SLC9A1: variants seen among roughly 807,000 people sequenced by gnomAD.
SLC9A1 encodes the protein sodium/hydrogen exchanger 1.
A neutral mutation model predicts 67.9 loss-of-function variants in SLC9A1; 22 were observed. That is an observed-to-expected ratio of 0.32 (90% CI 0.23 to 0.46). The LOEUF is 0.46. Ranked by LOEUF, SLC9A1 falls within the 20% of genes least tolerant of loss-of-function variation. The pLI is 1.00. For missense variants in SLC9A1, 686 were observed against 1,094.8 expected, an observed-to-expected ratio of 0.63 and a Z score of 5.27; for synonymous variants, 421 against 471.8, an observed-to-expected ratio of 0.89 and a Z score of 1.40.
At chr1:27,108,351 G>GCCAC (rs1342800812) in intron 3 of SLC9A1, among the ~76,000 whole-genome samples, 1 of 8,254 alleles carries the variant, frequency 1.2e-4, no homozygotes, top group Non-Finnish European at 4.0e-4. Context: ...CAGGCGACGA[G>GCCAC]CGCATGCCCG....
intron 1 of SLC9A1, among the ~76,000 whole-genome samples, chr1:27,117,955 C>T (rs2083282451): frequency 6.6e-6 from 1 of 152,200 alleles, no homozygotes; most frequent in African/African-American, 2.4e-5. Context: ...CATGCTATTC[C>T]AGCCCTTGGA....
chr1:27,134,023 A>G (rs1280550894), intron 1 of SLC9A1, among the ~76,000 whole-genome samples: 1 of 152,048 alleles, frequency 6.6e-6, no homozygotes, highest in Non-Finnish European at 1.5e-5. Flanking sequence ...TCAGCCTCCC[A>G]AAGTGCTAGG....
intron 1 of SLC9A1, among the ~76,000 whole-genome samples, chr1:27,124,295 G>A (rs1399402531): frequency 1.3e-5 from 2 of 152,040 alleles, no homozygotes; most frequent in Non-Finnish European, 2.9e-5. Context: ...GTACAGTAGA[G>A]CTTGCAAAAT....
At chr1:27,144,773 C>G (rs2083474509) in intron 1 of SLC9A1, among the ~76,000 whole-genome samples, 1 of 152,180 alleles carries the variant, frequency 6.6e-6, no homozygotes, top group African/African-American at 2.4e-5. Flanking sequence ...CTTTGGGAGG[C>G]CAAGGTGGGT....
At position 27,103,546 on chromosome 1, in the gene SLC9A1, C is replaced by T. The variant is rs907063690; in HGVS notation, c.1486-234G>A. 9.0e-6 allele frequency: 5 copies of T among 557,466 alleles called. No homozygotes were observed. In the African/African-American group the frequency reaches 9.5e-5, roughly 11 times the overall value. 34.5% of individuals were successfully genotyped at this position (557,466 alleles called of 1,614,324 possible). Reference sequence around the variant, plus strand: ...CAGAGGTTTCACTGCCAAATGACCCCCACACTGGTCATCTGGCCTGGGCCA... The same window carrying T: ...CAGAGGTTTCACTGCCAAATGACCCTCACACTGGTCATCTGGCCTGGGCCA... On this transcript the variant is annotated intron_variant, in intron 5 of 11. Transcript: ENST00000263980.
At position 27,106,775 on chromosome 1, in the gene SLC9A1, G is replaced by A. The variant is rs2083187866; in HGVS notation, c.1283-688C>T. On this transcript the variant is annotated intron_variant, in intron 4 of 11. Transcript: ENST00000263980. This position sits in a 1 kb window ranked among gnomAD's most constrained non-coding sequence, Gnocchi z 4.3. Reference sequence around the variant, plus strand: ...TGGAGGACTGCACGTGGCTCTGCATGCGATTCGGCACATGCTCACGTCACC... The same window carrying A: ...TGGAGGACTGCACGTGGCTCTGCATACGATTCGGCACATGCTCACGTCACC... Among the ~76,000 whole-genome samples the A allele has an allele frequency of 6.6e-6, 1 of 152,028 alleles. No homozygotes were observed. Among genetic ancestry groups the A allele is most frequent in the South Asian group, 2.1e-4 (1 of 4,832 alleles).
chr1:27,112,883 C>CAAAAAA (rs58540104), intron 2 of SLC9A1, among the ~76,000 whole-genome samples: 34 of 41,518 alleles, frequency 8.2e-4, no homozygotes, highest in African/African-American at 2.9e-3. Context: ...GACTCCATCT[C>CAAAAAA]AAAAAAAAAA....
In SLC9A1 at chr1:27,114,378, T is replaced by C; in HGVS notation, c.353-92A>G. ...ATGGGCCGGGGATGAGGAGCGCAGT[T>C]GGTGAGAGGTGCACAGGCTGGGTCT... On this transcript the variant is annotated intron_variant, in intron 1 of 11. Coordinates refer to ENST00000263980, the MANE Select transcript of SLC9A1 (RefSeq NM_003047.5). This position sits in a 1 kb window ranked among gnomAD's most constrained non-coding sequence, Gnocchi z 5.4. 1.0e-6 allele frequency: 1 copy of C among 959,724 alleles called. No individual in the cohort carries two copies. The highest frequency in any genetic ancestry group is 1.6e-6 in the Non-Finnish European group (1 of 635,182). The allele number at this position is 959,724 out of a possible 1,614,324, so 59.5% of individuals were successfully genotyped here. A position where few individuals can be genotyped will look rare whatever the true frequency, so the allele number is the denominator to read the frequency against.
chr1:27,120,996 A>G (rs1276389802), intron 1 of SLC9A1, among the ~76,000 whole-genome samples: 2 of 152,184 alleles, frequency 1.3e-5, no homozygotes, highest in Non-Finnish European at 2.9e-5. Flanking sequence ...GCTTCAAAGA[A>G]AACAGCTTGT....
chr1:27,148,479 T>C (rs1341219559), intron 1 of SLC9A1, among the ~76,000 whole-genome samples: 1 of 151,814 alleles, frequency 6.6e-6, no homozygotes, highest in African/African-American at 2.4e-5. Context: ...AAATCTCTCA[T>C]CCCCCTTGAT....
intron 1 of SLC9A1, among the ~76,000 whole-genome samples, chr1:27,145,758 G>A (rs1437437166): frequency 2.0e-5 from 3 of 152,138 alleles, no homozygotes; most frequent in Admixed American, 1.3e-4. Flanking sequence ...GGTAATTTGG[G>A]GGGAACTCTG....
rs1264072795 is a variant in SLC9A1 at position 27,121,434 on chromosome 1, T to C, written c.353-7148A>G. ...CTATACCATGGAATAACCTCCATTT[T>C]CTTGTCTGTAAACAAGTGAGAACAG... On this transcript the variant is annotated intron_variant, in intron 1 of 11. Transcript: ENST00000263980. 3.9e-5 allele frequency among the ~76,000 whole-genome samples: 6 copies of C among 152,336 alleles called. No homozygotes were observed. In the East Asian group the frequency reaches 5.8e-4, roughly 15 times the overall value.
chr1:27,131,082 A>G (rs746920056), intron 1 of SLC9A1, among the ~76,000 whole-genome samples: 2 of 152,336 alleles, frequency 1.3e-5, no homozygotes, highest in African/African-American at 2.4e-5. Flanking sequence ...GATCCCACAC[A>G]TGGCACTGGC....
At chr1:27,123,070 T>C (rs1479749827) in intron 1 of SLC9A1, among the ~76,000 whole-genome samples, 1 of 152,178 alleles carries the variant, frequency 6.6e-6, no homozygotes, top group Non-Finnish European at 1.5e-5. Context: ...CTCCAAAGAC[T>C]CTCATGGCTG....
intron 1 of SLC9A1, among the ~76,000 whole-genome samples, chr1:27,135,525 G>T (rs577132812): frequency 2.7e-5 from 3 of 110,016 alleles, no homozygotes; most frequent in South Asian, 3.3e-4. Context: ...CTTTTTTCTG[G>T]AAAAAAAAAA....
intron 1 of SLC9A1, among the ~76,000 whole-genome samples, chr1:27,142,622 C>T (rs928066149): frequency 5.9e-5 from 9 of 152,120 alleles, no homozygotes; most frequent in Admixed American, 1.3e-4. Context: ...GGGCCCTAGC[C>T]GCTTTAGGGA....
intron 1 of SLC9A1, among the ~76,000 whole-genome samples, chr1:27,128,471 C>A (rs1279807783): frequency 6.6e-6 from 1 of 151,944 alleles, no homozygotes; most frequent in African/African-American, 2.4e-5. Context: ...GCCTGGGTAA[C>A]GTGGCAAAAC....
chr1:27,106,124 G>T lies in SLC9A1; in HGVS notation c.1283-37C>A. On this transcript the variant is annotated intron_variant, in intron 4 of 11. Transcript: ENST00000263980. This position sits in a 1 kb window ranked among gnomAD's most constrained non-coding sequence, Gnocchi z 4.3. Reference sequence around the variant, plus strand: ...GGCAGGGGGTGATGAGGGTCAGGTCGGGCTGTCCCCAGTCCCTCCTGGATT... The same window carrying T: ...GGCAGGGGGTGATGAGGGTCAGGTCTGGCTGTCCCCAGTCCCTCCTGGATT... 1 of 1,424,544 alleles carries T rather than the reference G, an allele frequency of 7.0e-7. No homozygotes were observed. The highest frequency in any genetic ancestry group is 1.2e-5 in the South Asian group (1 of 85,608). 88.2% of individuals were successfully genotyped at this position (1,424,544 alleles called of 1,614,324 possible). A position where few individuals can be genotyped will look rare whatever the true frequency, so the allele number is the denominator to read the frequency against.
intron 1 of SLC9A1, among the ~76,000 whole-genome samples, chr1:27,139,403 A>AT (rs1312642193): frequency 6.6e-6 from 1 of 152,186 alleles, no homozygotes; most frequent in African/African-American, 2.4e-5. Context: ...TCACTTTCCT[A>AT]AAGTAGCTGT....
Sources: allele counts gnomAD v4.1 joint callset (sites outside exome capture counted in the v4.1 genomes callset), GRCh38; gene constraint gnomAD v4.1.1; non-coding constraint Gnocchi (gnomAD v3.1); transcripts MANE v1.5; gene names NCBI Gene and HGNC (gene_info 2026-07-23, HGNC 2026-07-21).